The following C1orf146 variants were observed in gnomAD, a reference collection of about 807,000 sequenced individuals.
The protein encoded by C1orf146 is chromosome 1 open reading frame 146.
C1orf146 carries 22 observed loss-of-function variants against 23.0 expected under a neutral mutation model. The observed-to-expected ratio is 0.96, with a 90% CI of 0.68 to 1.36. The LOEUF (loss-of-function observed/expected upper bound fraction) is 1.36, where lower values mean the gene tolerates loss of function less well. C1orf146 is among the 40% of genes most tolerant of loss of function. The pLI is 0.00. For missense variants in C1orf146, 199 were observed against 206.8 expected, an observed-to-expected ratio of 0.96 and a Z score of 0.23; for synonymous variants, 59 against 65.3, an observed-to-expected ratio of 0.90 and a Z score of 0.47.
chr1:92,240,288 A>T (rs560770004), intron 2 of C1orf146, among the ~76,000 whole-genome samples: 1 of 152,190 alleles, frequency 6.6e-6, no homozygotes, highest in South Asian at 2.1e-4. Flanking sequence ...ATACTTGCTC[A>T]TATATTTGAA....
intron 1 of C1orf146, among the ~76,000 whole-genome samples, chr1:92,227,488 G>A (rs866208653): frequency 6.6e-6 from 1 of 152,024 alleles, no homozygotes; most frequent in African/African-American, 2.4e-5. Flanking sequence ...GCAGTGAGCC[G>A]AGATCACGCC....
chr1:92,222,346 A>G (rs1252510521), intron 1 of C1orf146, among the ~76,000 whole-genome samples: 4 of 152,078 alleles, frequency 2.6e-5, no homozygotes. Flanking sequence ...GCATGTGTAT[A>G]TATAATGTAA....
intron 2 of C1orf146, among the ~76,000 whole-genome samples, chr1:92,238,523 C>A (rs190174292): frequency 6.6e-6 from 1 of 152,254 alleles, no homozygotes; most frequent in African/African-American, 2.4e-5. Flanking sequence ...TTTGAAAAAT[C>A]TATACTTAGC....
intron 1 of C1orf146, among the ~76,000 whole-genome samples, chr1:92,222,392 A>G (rs1651843461): frequency 1.8e-5 from 2 of 111,258 alleles, no homozygotes; most frequent in Admixed American, 9.1e-5. Context: ...ACATGCATGT[A>G]TAACATATGT....
chr1:92,228,990 C>CTATG, intron 1 of C1orf146: 1 of 462,120 alleles, frequency 2.2e-6, no homozygotes, highest in Non-Finnish European at 4.3e-6. Context: ...GCAGCAAAAG[C>CTATG]TATGCATCTG....
chr1:92,240,288 A>G lies in C1orf146; in HGVS notation c.67-1924A>G, dbSNP rs560770004. On this transcript the variant is annotated intron_variant, in intron 2 of 5. Transcript: ENST00000370375. ...AAAAAAGTGGCCTAAATACTTGCTC[A>G]TATATTTGAATTTCTGTGTAGATCT... Among the ~76,000 whole-genome samples, 4 of 152,308 alleles carry G rather than the reference A, an allele frequency of 2.6e-5. No individual in the cohort carries two copies. The South Asian group carries it at 8.3e-4, about 32-fold the overall frequency.
intron 1 of C1orf146, among the ~76,000 whole-genome samples, chr1:92,227,403 C>T (rs756792563): frequency 2.0e-5 from 3 of 152,094 alleles, no homozygotes; most frequent in South Asian, 2.1e-4. Flanking sequence ...ATTAGTCAGG[C>T]GTGGTGGCGC....
At chr1:92,233,996 TAAG>T (rs1436668895) in intron 2 of C1orf146, among the ~76,000 whole-genome samples, 1 of 152,204 alleles carries the variant, frequency 6.6e-6, no homozygotes, top group African/African-American at 2.4e-5. Flanking sequence ...CTTATCAGCT[TAAG>T]GAGATTTTGG....
At chr1:92,233,742 G>A (rs1178403587) in intron 2 of C1orf146, among the ~76,000 whole-genome samples, 1 of 152,188 alleles carries the variant, frequency 6.6e-6, no homozygotes, top group Non-Finnish European at 1.5e-5. Flanking sequence ...CTACCCATGA[G>A]CATGGAATGT....
At chr1:92,238,181 C>T (rs965218323) in intron 2 of C1orf146, among the ~76,000 whole-genome samples, 2 of 152,184 alleles carry the variant, frequency 1.3e-5, no homozygotes, top group Non-Finnish European at 2.9e-5. Context: ...CCACAACCTG[C>T]ACGATGGCTT....
At chr1:92,222,741 C>T (rs1180563088) in intron 1 of C1orf146, among the ~76,000 whole-genome samples, 3 of 151,648 alleles carry the variant, frequency 2.0e-5, no homozygotes, top group Non-Finnish European at 4.4e-5. Context: ...CGCCTGCCAC[C>T]ACGCCCGGCT....
At chr1:92,218,408 GC>G (rs1651734430) in intron 1 of C1orf146, among the ~76,000 whole-genome samples, 1 of 152,092 alleles carries the variant, frequency 6.6e-6, no homozygotes, top group South Asian at 2.1e-4. Flanking sequence ...AAAGTGACTT[GC>G]TGGAGATGAT....
intron 1 of C1orf146, among the ~76,000 whole-genome samples, chr1:92,219,956 C>T (rs1651780274): frequency 6.6e-6 from 1 of 152,132 alleles, no homozygotes; most frequent in Admixed American, 6.6e-5. Flanking sequence ...TCACTTTATA[C>T]TTTGGATTAT....
At chr1:92,224,931 C>T (rs1482991700) in intron 1 of C1orf146, among the ~76,000 whole-genome samples, 6 of 151,744 alleles carry the variant, frequency 4.0e-5, no homozygotes, top group South Asian at 2.1e-4. Context: ...TTAGTGGAGA[C>T]GGGGTTTCAC....
At chr1:92,236,419 G>A (rs1298507937) in intron 2 of C1orf146, among the ~76,000 whole-genome samples, 1 of 152,134 alleles carries the variant, frequency 6.6e-6, no homozygotes, top group African/African-American at 2.4e-5. Context: ...TTTTCTTTAA[G>A]AATGTCGAAT....
At chr1:92,227,508 C>T (rs1462049877) in intron 1 of C1orf146, among the ~76,000 whole-genome samples, 4 of 152,088 alleles carry the variant, frequency 2.6e-5, no homozygotes, top group Non-Finnish European at 4.4e-5. Flanking sequence ...CACTGCACTC[C>T]AGCCTGGGTG....
chr1:92,233,113 A>G (rs1316493679), intron 2 of C1orf146, among the ~76,000 whole-genome samples: 2 of 152,090 alleles, frequency 1.3e-5, no homozygotes, highest in African/African-American at 4.8e-5. Flanking sequence ...CTTTAGTTTA[A>G]TTAGATCCCA....
intron 2 of C1orf146, among the ~76,000 whole-genome samples, chr1:92,231,833 T>C (rs1652129950): frequency 6.6e-6 from 1 of 152,044 alleles, no homozygotes; most frequent in Non-Finnish European, 1.5e-5. Context: ...GAAACTGATA[T>C]CCTAGCCTTG....
chr1:92,242,605 G>A (rs1652458458), intron 3 of C1orf146, among the ~76,000 whole-genome samples: 1 of 152,122 alleles, frequency 6.6e-6, no homozygotes, highest in Non-Finnish European at 1.5e-5. Context: ...TTACATTAAA[G>A]TATTACTTGC....
Sources: allele counts gnomAD v4.1 joint callset (sites outside exome capture counted in the v4.1 genomes callset), GRCh38; gene constraint gnomAD v4.1.1; transcripts MANE v1.5; gene names NCBI Gene and HGNC (gene_info 2026-07-23, HGNC 2026-07-21).